Variants in MYH13 observed in about 807,000 individuals in gnomAD.
The protein encoded by MYH13 is myosin-13.
MYH13 carries 177 observed loss-of-function variants against 232.1 expected under a neutral mutation model. The ratio of observed to expected loss-of-function variants is 0.76; its 90% CI spans 0.67 to 0.86. The LOEUF is 0.86. Ranked by LOEUF, MYH13 falls within the 40% of genes least tolerant of loss-of-function variation. MYH13 has a pLI of 0.00. For synonymous variants in MYH13, 884 were observed against 923.5 expected (o/e 0.96, Z 0.78); for missense variants, 2,246 against 2,405.9 (o/e 0.93, Z 1.39).
chr17:10,352,190 G>T (rs1308290021), intron 11 of MYH13, among the ~76,000 whole-genome samples: 1 of 152,038 alleles, frequency 6.6e-6, no homozygotes, highest in East Asian at 1.9e-4. Context: ...ATCTCCAAAG[G>T]GGTGCAGGTG....
chr17:10,308,671 G>C (rs916164334), intron 35 of MYH13, among the ~76,000 whole-genome samples: 2 of 151,770 alleles, frequency 1.3e-5, no homozygotes, highest in African/African-American at 4.8e-5. Flanking sequence ...TTAAACAAAG[G>C]AGTTTTAAAA....
intron 23 of MYH13, among the ~76,000 whole-genome samples, chr17:10,323,556 G>A (rs771036485): frequency 1.3e-5 from 2 of 151,880 alleles, no homozygotes; most frequent in East Asian, 1.9e-4. Context: ...TAAGGAGTTC[G>A]AGACCAGCTT....
intron 23 of MYH13, among the ~76,000 whole-genome samples, chr17:10,322,630 GTTTTTTTTTT>G (rs769352001): frequency 1.9e-5 from 2 of 107,562 alleles, no homozygotes; most frequent in African/African-American, 7.2e-5. Flanking sequence ...TGTTACAGTT[GTTTTTTTTTT>G]TTTTTTTTTT....
chr17:10,312,218 G>A (rs1906533157), intron 31 of MYH13, 142 bp from the exon 32 acceptor site: 1 of 916,088 alleles, frequency 1.1e-6, no homozygotes, highest in South Asian at 1.7e-5. Context: ...CACTGTTCTA[G>A]ATCAGGGACC....
Position 10,330,485 on chromosome 17 carries a change from C to T in MYH13, c.2337G>A (p.Glu779=). 15 of 1,612,114 alleles carry T rather than the reference C, an allele frequency of 9.3e-6. No individual in the cohort carries two copies. The highest frequency in any genetic ancestry group is 1.3e-5 in the Non-Finnish European group (15 of 1,179,562). ...GCGTCACCAGCTTCTCATCTCTCATCTCCTCCAAAAGTCCCAGGAGCCCAG... is the reference window on the plus strand; with the variant it reads ...GCGTCACCAGCTTCTCATCTCTCATTTCCTCCAAAAGTCCCAGGAGCCCAG... ...FKAGLLGLLE[E]MRDEKLVTLM... is the part of the protein sequence containing the mutation. The change falls in exon 21 of 41, where the codon GAG becomes GAA. Residue 779 remains glutamate, a synonymous_variant. Transcript: ENST00000252172.
chr17:10,364,560 A>T lies in MYH13; in HGVS notation c.-12-18T>A, dbSNP rs1256729318. The T allele has an allele frequency of 9.0e-6, 14 of 1,558,814 alleles. No individual in the cohort carries two copies. The highest frequency in any genetic ancestry group is 1.1e-5 in the Non-Finnish European group (13 of 1,148,464). On this transcript the variant is annotated intron_variant, in intron 2 of 40. Transcript: ENST00000252172. The stretch of plus-strand genomic sequence containing the variant: ...GCAGAGGGCTGGGAAGACCAGAGGG[A>T]CTGCTGAGTCTTGTGCTTGGGTGAC...
chr17:10,311,850 G>A, intron 32 of MYH13, 61 bp downstream of exon 32: 1 of 1,591,412 alleles, frequency 6.3e-7, no homozygotes, highest in Non-Finnish European at 8.6e-7. Context: ...TGGCCAAATG[G>A]GGAAGGGGTT....
chr17:10,333,249 C>A, intron 18 of MYH13, 58 bp from the exon 19 acceptor site: 1 of 1,243,106 alleles, frequency 8.0e-7, no homozygotes, highest in South Asian at 1.3e-5. Context: ...TGTTGATGGT[C>A]TGAGGCACCA....
intron 8 of MYH13, among the ~76,000 whole-genome samples, chr17:10,357,458 T>A (rs2071757859): frequency 6.6e-6 from 1 of 152,190 alleles, no homozygotes; most frequent in Admixed American, 6.5e-5. Flanking sequence ...AAAGTTGATC[T>A]CTAATTGTGG....
chr17:10,309,335 C>T lies in MYH13; in HGVS notation c.5068G>A (p.Glu1690Lys). The change falls in exon 35 of 41, where the codon GAG becomes AAG. Residue 1690 changes from glutamate (E) to lysine (K), a missense_variant. Physicochemically the swap from Glu to Lys is moderately conservative, Grantham distance 56 (BLOSUM62 1). Coordinates refer to ENST00000252172, the MANE Select transcript of MYH13 (RefSeq NM_003802.3). Reference sequence around the variant, plus strand: ...TGTTCCAGGGCCACCTTCATTTCCTCCAGCTCCTCCAGCAGGAGGCCATTC... The same window carrying T: ...TGTTCCAGGGCCACCTTCATTTCCTTCAGCTCCTCCAGCAGGAGGCCATTC... Reference protein sequence around the residue: ...RRNGLLLEELEEMKVALEQTE... With the variant: ...RRNGLLLEELKEMKVALEQTE... The T allele has an allele frequency of 6.2e-7, 1 of 1,613,890 alleles. No individual in the cohort carries two copies. Among genetic ancestry groups the T allele is most frequent in the Non-Finnish European group, 8.5e-7 (1 of 1,179,834 alleles).
At chr17:10,355,549 C>A (rs2071742679) in intron 8 of MYH13, among the ~76,000 whole-genome samples, 1 of 152,206 alleles carries the variant, frequency 6.6e-6, no homozygotes, top group Non-Finnish European at 1.5e-5. Context: ...ACCATGACCT[C>A]TCCTTGGCTC....
At chr17:10,332,470 G>A (rs1218358983) in intron 19 of MYH13, among the ~76,000 whole-genome samples, 2 of 152,180 alleles carry the variant, frequency 1.3e-5, no homozygotes, top group Admixed American at 1.3e-4. Flanking sequence ...TGCATGGCGG[G>A]AAGTTTGCTT....
intron 2 of MYH13, among the ~76,000 whole-genome samples, chr17:10,370,726 T>G (rs1168021035): frequency 1.3e-5 from 2 of 152,192 alleles, no homozygotes; most frequent in East Asian, 3.8e-4. Context: ...CATCTAGAAC[T>G]ACCTCTAATA....
intron 23 of MYH13, among the ~76,000 whole-genome samples, chr17:10,322,459 A>C (rs1906988975): frequency 6.6e-6 from 1 of 152,162 alleles, no homozygotes. Flanking sequence ...ATCAGGAAGC[A>C]GGAGGAGGGC....
chr17:10,314,937 G>A lies in MYH13; in HGVS notation c.3984+756C>T, dbSNP rs78394803. Among the ~76,000 whole-genome samples, 360 of 152,318 alleles carry A rather than the reference G, an allele frequency of 2.4e-3. 4 individuals carry two copies. In the East Asian group the frequency reaches 0.027, roughly 11 times the overall value. Reference sequence around the variant, plus strand: ...AAGGTGATGATGTTCATGTTTATGCGACTGTCTCAAGGGTGCTCCCAAAAC... The same window carrying A: ...AAGGTGATGATGTTCATGTTTATGCAACTGTCTCAAGGGTGCTCCCAAAAC... On this transcript the variant is annotated intron_variant, in intron 29 of 40. Coordinates refer to ENST00000252172, the MANE Select transcript of MYH13 (RefSeq NM_003802.3).
intron 2 of MYH13, among the ~76,000 whole-genome samples, chr17:10,370,229 C>G (rs554483981): frequency 8.5e-5 from 13 of 152,364 alleles, no homozygotes; most frequent in African/African-American, 2.6e-4. Flanking sequence ...CACTCCGTGT[C>G]GAGCAAAGCC....
Position 10,359,964 on chromosome 17 carries a change from A to G in MYH13, c.641T>C (p.Met214Thr), listed in dbSNP as rs1277671208. The change falls in exon 7 of 41, where the codon ATG becomes ACG. Residue 214 changes from methionine to threonine, a missense_variant. By Grantham distance (81) the Met-to-Thr change is moderately conservative. Transcript: ENST00000252172. ...DKKKETQPGKMQGTLEDQIIQ... is the reference protein window; with the variant it reads ...DKKKETQPGKTQGTLEDQIIQ... ...GATGCAGGTGGGGCTGCTCACCTGC[A>G]TTTTGCCTGGCTGTGTCTCCTTCTT... 6.2e-7 allele frequency: 1 copy of G among 1,613,098 alleles called. No individual in the cohort carries two copies. The highest frequency in any genetic ancestry group is 8.5e-7 in the Non-Finnish European group (1 of 1,179,666).
intron 12 of MYH13, among the ~76,000 whole-genome samples, chr17:10,349,429 ATC>A (rs1202312603): frequency 6.6e-6 from 1 of 150,978 alleles, no homozygotes; most frequent in African/African-American, 2.4e-5. Context: ...GCTTGAACTG[ATC>A]TCTCCCCCAA....
intron 18 of MYH13, 94 bp downstream of exon 18, chr17:10,340,056 A>G (rs2071609107): frequency 9.3e-7 from 1 of 1,079,658 alleles, no homozygotes; most frequent in Non-Finnish European, 1.4e-6. Context: ...GATACAGACC[A>G]TCACTCTTTC....
Sources: gnomAD v4.1 joint callset for allele counts (sites outside exome capture counted in the v4.1 genomes callset) on GRCh38, gnomAD v4.1.1 for gene constraint, MANE v1.5 for transcripts, NCBI Gene and HGNC (gene_info 2026-07-23, HGNC 2026-07-21) for gene names.